Variants in DTWD1 observed in about 807,000 individuals in gnomAD.
The protein encoded by DTWD1 is tRNA-uridine aminocarboxypropyltransferase 1.
A neutral mutation model predicts 30.2 loss-of-function variants in DTWD1; 27 were observed. The observed-to-expected ratio is 0.90, with a 90% confidence interval of 0.66 to 1.23. The LOEUF is 1.23. Among genes scored for constraint, DTWD1 ranks in the 50% most tolerant of loss-of-function variants. The pLI is 0.00. For missense variants in DTWD1, 342 were observed against 348.8 expected, an observed-to-expected ratio of 0.98 and a Z score of 0.15; for synonymous variants, 99 against 113.1, an observed-to-expected ratio of 0.88 and a Z score of 0.79.
intron 4 of DTWD1, among the ~76,000 whole-genome samples, chr15:49,642,288 A>G (rs752278059): frequency 2.6e-5 from 4 of 152,170 alleles, no homozygotes; most frequent in African/African-American, 4.8e-5. Context: ...TAAATATAGT[A>G]TGAGTCCAGT....
chr15:49,634,052 A>G (rs930772561), intron 3 of DTWD1, among the ~76,000 whole-genome samples: 1 of 152,192 alleles, frequency 6.6e-6, no homozygotes, highest in African/African-American at 2.4e-5. Context: ...CTCTTGATTT[A>G]AATGGTCAAA....
At chr15:49,622,498 C>T (rs886722932) in intron 1 of DTWD1, among the ~76,000 whole-genome samples, 27 of 152,042 alleles carry the variant, frequency 1.8e-4, no homozygotes, top group African/African-American at 6.0e-4. Flanking sequence ...TATTTTTAGC[C>T]TTAAGTTCCA....
At chr15:49,643,168 A>G (rs980999087) in intron 4 of DTWD1, among the ~76,000 whole-genome samples, 163 bp from the exon 5 acceptor site, 2 of 152,090 alleles carry the variant, frequency 1.3e-5, no homozygotes, top group Non-Finnish European at 2.9e-5. Flanking sequence ...TTAAGAAAAT[A>G]TCTTGTTTCA....
At chr15:49,639,247 G>C (rs2079037614) in intron 4 of DTWD1, among the ~76,000 whole-genome samples, 1 of 152,106 alleles carries the variant, frequency 6.6e-6, no homozygotes, top group Non-Finnish European at 1.5e-5. Flanking sequence ...TCTACTTTAA[G>C]TTTCTACTGC....
chr15:49,643,382 A>G lies in DTWD1; in HGVS notation c.719A>G (p.Gln240Arg), dbSNP rs1333427820. Residue 240 changes from glutamine (Q) to arginine (R), a missense_variant, in exon 5 of 5, where the codon CAA (glutamine) becomes CGA (arginine). Transcript: ENST00000403028. ...KTRKTCFWRH[Q>R]KGKPDTFLST... ...AGAAAAACTTGCTTTTGGCGCCATC[A>G]AAAAGGAAAGCCAGATACTTTCCTT... The G allele has an allele frequency of 1.3e-6, 2 of 1,580,286 alleles. No individual in the cohort carries two copies. Among genetic ancestry groups the G allele is most frequent in the East Asian group, 4.6e-5 (2 of 43,518 alleles).
rs1460952057 is a variant in DTWD1 at position 49,643,509 on chromosome 15, T to C, written c.846T>C (p.Ser282=). Residue 282 remains serine, a synonymous_variant, in exon 5 of 5, where the codon TCT becomes TCC. Transcript: ENST00000403028. Reference sequence around the variant, plus strand: ...ATGACAATCTTTTATTTTTCTATTCTTTTATGTACCAGTTGATAAAGAATG... The same window carrying C: ...ATGACAATCTTTTATTTTTCTATTCCTTTATGTACCAGTTGATAAAGAATG... ...GQYDNLLFFY[S]FMYQLIKNAK... The C allele has an allele frequency of 6.2e-7, 1 of 1,608,640 alleles. No homozygotes were observed. Among genetic ancestry groups the C allele is most frequent in the Non-Finnish European group, 8.5e-7 (1 of 1,177,282 alleles).
Position 49,651,418 on chromosome 15 carries a change from T to C in DTWD1, c.*7840T>C, listed in dbSNP as rs1469890331. ...TTGACGTCATCCTTCCTGCTTCAGT[T>C]ATTCGCCACCCAGTGCTAGCACAGT... On this transcript the variant is annotated 3_prime_UTR_variant, in exon 5 of 5. Transcript: ENST00000403028. 1 of 152,154 alleles carries C rather than the reference T, an allele frequency of 6.6e-6. No individual in the cohort carries two copies. Among genetic ancestry groups the C allele is most frequent in the African/African-American group, 2.4e-5 (1 of 41,430 alleles). 9.4% of individuals were successfully genotyped at this position (152,154 alleles called of 1,614,324 possible).
rs151213469 is a variant in DTWD1, at chr15:49,628,794, C to T, written c.264+3363C>T. On this transcript the variant is annotated intron_variant, in intron 2 of 4. Coordinates refer to ENST00000403028, the MANE Select transcript of DTWD1 (RefSeq NM_001144955.2). ...ACACAGTTAAGCTTTAATGTCCATA[C>T]GAAGCCTCAGAGCAAATGTTTTTGT... 4.2e-3 allele frequency among the ~76,000 whole-genome samples: 636 copies of T among 151,970 alleles called. 5 individuals carry two copies. Among genetic ancestry groups the T allele is most frequent in the African/African-American group, 0.014 (582 of 41,450 alleles).
In DTWD1 at chr15:49,643,771, T is replaced by C. The variant is rs2153354203; in HGVS notation, c.*193T>C. 3.9e-6 allele frequency: 2 copies of C among 506,990 alleles called. No homozygotes were observed. Among genetic ancestry groups the C allele is most frequent in the South Asian group, 8.2e-5 (2 of 24,494 alleles). The allele number at this position is 506,990 out of a possible 1,614,324, so 31.4% of individuals were successfully genotyped here. A position where few individuals can be genotyped will look rare whatever the true frequency, so the allele number is the denominator to read the frequency against. ...GGGAATTTTTCAGAGATACTGTTGA[T>C]TGAAAAACTTACTTCAGAAGTTATT... On this transcript the variant is annotated 3_prime_UTR_variant, in exon 5 of 5. Coordinates refer to ENST00000403028, the MANE Select transcript of DTWD1 (RefSeq NM_001144955.2).
chr15:49,625,406 C>G lies in DTWD1; in HGVS notation c.239C>G (p.Pro80Arg). The change falls in exon 2 of 5, where the codon CCT becomes CGT. Residue 80 changes from proline to arginine, a missense_variant. Physicochemically the swap from Pro to Arg is moderately radical, Grantham distance 103. Coordinates refer to ENST00000403028, the MANE Select transcript of DTWD1 (RefSeq NM_001144955.2). Reference protein sequence around the residue: ...YTCYVPVENVPIEQIPLVKLP... With the variant: ...YTCYVPVENVRIEQIPLVKLP... ...TGTTATGTTCCAGTTGAAAATGTAC[C>G]TATTGAACAGATTCCACTTGTGAAG... The G allele has an allele frequency of 6.2e-7, 1 of 1,612,958 alleles. No homozygotes were observed. Among genetic ancestry groups the G allele is most frequent in the South Asian group, 1.1e-5 (1 of 90,842 alleles).
intron 3 of DTWD1, chr15:49,633,710 T>C (rs924619544): frequency 1.5e-5 from 3 of 201,240 alleles, no homozygotes; most frequent in African/African-American, 4.8e-5. Flanking sequence ...TGTGTGCTCA[T>C]TGAAGAAAAT....
At position 49,651,853 on chromosome 15, in the gene DTWD1, T is replaced by A. The variant is rs1190112632; in HGVS notation, c.*8275T>A. On this transcript the variant is annotated 3_prime_UTR_variant, in exon 5 of 5. Transcript: ENST00000403028. ...CAGGAGTGGACCCATATCCACAGGA[T>A]CCACTAATAATATCACTTTTTTCAC... 1.3e-5 allele frequency: 2 copies of A among 152,042 alleles called. No homozygotes were observed. Among genetic ancestry groups the A allele is most frequent in the Non-Finnish European group, 2.9e-5 (2 of 68,000 alleles). 9.4% of individuals were successfully genotyped at this position (152,042 alleles called of 1,614,324 possible).
At position 49,643,444 on chromosome 15, in the gene DTWD1, T is replaced by G; in HGVS notation, c.781T>G (p.Tyr261Asp). 1.9e-6 allele frequency: 3 copies of G among 1,609,568 alleles called. No homozygotes were observed. The highest frequency in any genetic ancestry group is 2.5e-6 in the Non-Finnish European group (3 of 1,177,862). ...AGCCATTTACTACTTTCTGGTAGAC[T>G]ACCATACTGATATATTAAAAGAGAA... ...IEAIYYFLVD[Y>D]HTDILKEKYR... The change falls in exon 5 of 5, where the codon TAC (tyrosine) becomes GAC (aspartate). Residue 261 changes from tyrosine to aspartate, a missense_variant. Transcript: ENST00000403028.
At position 49,656,000 on chromosome 15, in the gene DTWD1, T is replaced by C. The variant is rs752176198; in HGVS notation, c.*12422T>C. The stretch of plus-strand genomic sequence containing the variant: ...ATCTATTTTGTGGTTAAATGTGTTA[T>C]AAACATTTATTTAGTGAAATACAGT... On this transcript the variant is annotated 3_prime_UTR_variant, in exon 5 of 5. Coordinates refer to ENST00000403028, the MANE Select transcript of DTWD1 (RefSeq NM_001144955.2). 9.2e-5 allele frequency: 14 copies of C among 152,116 alleles called. No individual in the cohort carries two copies. Among genetic ancestry groups the C allele is most frequent in the Non-Finnish European group, 1.6e-4 (11 of 68,000 alleles). The allele number at this position is 152,116 out of a possible 1,614,324, so 9.4% of individuals were successfully genotyped here.
chr15:49,654,699 A>G lies in DTWD1; in HGVS notation c.*11121A>G, dbSNP rs1320899000. On this transcript the variant is annotated 3_prime_UTR_variant, in exon 5 of 5. Coordinates refer to ENST00000403028, the MANE Select transcript of DTWD1 (RefSeq NM_001144955.2). ...AAATGAGATTGTGGAACCTGAAAAT[A>G]CAGTGTAGTAAGAGTGGAGAGAAAG... 6.6e-6 allele frequency: 1 copy of G among 152,002 alleles called. No individual in the cohort carries two copies. The highest frequency in any genetic ancestry group is 1.9e-4 in the East Asian group (1 of 5,152). The allele number at this position is 152,002 out of a possible 1,614,324, so 9.4% of individuals were successfully genotyped here. A position where few individuals can be genotyped will look rare whatever the true frequency, so the allele number is the denominator to read the frequency against.
At chr15:49,633,049 C>CTATATATATCTATA (rs2078948251) in intron 3 of DTWD1, among the ~76,000 whole-genome samples, 16 of 117,342 alleles carry the variant, frequency 1.4e-4, no homozygotes, top group Middle Eastern at 4.3e-3. Flanking sequence ...ATATCTATAT[C>CTATATATATCTATA]TATATATATA....
At position 49,654,761 on chromosome 15, in the gene DTWD1, G is replaced by C. The variant is rs1036764007; in HGVS notation, c.*11183G>C. Reference sequence around the variant, plus strand: ...AAGAACTGAGACGTCCCAGTCAATAGCACTGCCTTAGTCAGTTGGAGCTAC... The same window carrying C: ...AAGAACTGAGACGTCCCAGTCAATACCACTGCCTTAGTCAGTTGGAGCTAC... On this transcript the variant is annotated 3_prime_UTR_variant, in exon 5 of 5. Transcript: ENST00000403028. 1 of 152,078 alleles carries C rather than the reference G, an allele frequency of 6.6e-6. No individual in the cohort carries two copies. The highest frequency in any genetic ancestry group is 1.5e-5 in the Non-Finnish European group (1 of 68,002). The allele number at this position is 152,078 out of a possible 1,614,324, so 9.4% of individuals were successfully genotyped here.
At position 49,654,832 on chromosome 15, in the gene DTWD1, TTA is replaced by T. The variant is rs2079169928; in HGVS notation, c.*11258_*11259del. 1 of 152,022 alleles carries T rather than the reference TTA, an allele frequency of 6.6e-6. No individual in the cohort carries two copies. Among genetic ancestry groups the T allele is most frequent in the Admixed American group, 6.6e-5 (1 of 15,236 alleles). The allele number at this position is 152,022 out of a possible 1,614,324, so 9.4% of individuals were successfully genotyped here. On this transcript the variant is annotated 3_prime_UTR_variant, in exon 5 of 5. Transcript: ENST00000403028. ...ATTGAGTGACTTAAACAACAGAAAT[TTA>T]TATCTTACATTTCTGGAGACTGAAA...
rs1197415220 is a variant in DTWD1, at chr15:49,647,401, T to C, written c.*3823T>C. The stretch of plus-strand genomic sequence containing the variant: ...CCTAGGTTATGTATTTCATTTCAGT[T>C]CCATTTCCATACCCATTGCCTTAAT... On this transcript the variant is annotated 3_prime_UTR_variant, in exon 5 of 5. Coordinates refer to ENST00000403028, the MANE Select transcript of DTWD1 (RefSeq NM_001144955.2). 6.6e-6 allele frequency: 1 copy of C among 152,190 alleles called. No individual in the cohort carries two copies. The highest frequency in any genetic ancestry group is 2.4e-5 in the African/African-American group (1 of 41,456). 9.4% of individuals were successfully genotyped at this position (152,190 alleles called of 1,614,324 possible). A position where few individuals can be genotyped will look rare whatever the true frequency, so the allele number is the denominator to read the frequency against.
Sources: gnomAD v4.1 joint callset for allele counts (sites outside exome capture counted in the v4.1 genomes callset) on GRCh38, gnomAD v4.1.1 for gene constraint, MANE v1.5 for transcripts, NCBI Gene and HGNC (gene_info 2026-07-23, HGNC 2026-07-21) for gene names.